Variants in ANKH observed in about 807,000 individuals in gnomAD.
ANKH encodes ANKH inorganic pyrophosphate transport regulator, also known as mineralization regulator ANKH.
A neutral mutation model predicts 49.0 loss-of-function variants in ANKH; 15 were observed. The ratio of observed to expected loss-of-function variants is 0.31; its 90% CI spans 0.20 to 0.47. The LOEUF is 0.47. ANKH is among the 20% of genes least tolerant of loss of function. The pLI, the probability that ANKH is intolerant of heterozygous loss-of-function variation, is 1.00. For missense variants in ANKH, 429 were observed against 652.0 expected, an observed-to-expected ratio of 0.66 and a Z score of 3.72; for synonymous variants, 273 against 260.0, an observed-to-expected ratio of 1.05 and a Z score of -0.48.
In ANKH at chr5:14,725,402, C is replaced by T. The variant is rs1193972558; in HGVS notation, c.1012-8567G>A. 6.6e-6 allele frequency among the ~76,000 whole-genome samples: 1 copy of T among 152,218 alleles called. No individual in the cohort carries two copies. The highest frequency in any genetic ancestry group is 1.5e-5 in the Non-Finnish European group (1 of 68,032). ...CCTTCCTTAAGAAAGTCTTGCCATC[C>T]AAACAACGCCAGCTGAACTGGACAT... is the stretch of plus-strand genomic sequence containing the variant. On this transcript the variant is annotated intron_variant, in intron 8 of 11. Transcript: ENST00000284268. This position sits in a 1 kb window ranked among gnomAD's most constrained non-coding sequence, Gnocchi z 4.0.
At chr5:14,811,098 C>T (rs937324891) in intron 1 of ANKH, among the ~76,000 whole-genome samples, 3 of 152,198 alleles carry the variant, frequency 2.0e-5, no homozygotes, top group African/African-American at 7.2e-5. Flanking sequence ...AGCCTCCTCA[C>T]TAAGTTAACC....
intron 8 of ANKH, among the ~76,000 whole-genome samples, chr5:14,718,400 A>T (rs936566902): frequency 2.6e-5 from 4 of 152,168 alleles, no homozygotes; most frequent in African/African-American, 9.7e-5. Flanking sequence ...TTAAGAGGAA[A>T]CAAAGATAAT....
In ANKH at chr5:14,710,497, C is replaced by T. The variant is rs765103863; in HGVS notation, c.*700G>A. ...ATCTAGGAGAACGCAGAGTGAAATGCTATCATTCAACCATGTCAGTTTGCT... is the reference window on the plus strand; with the variant it reads ...ATCTAGGAGAACGCAGAGTGAAATGTTATCATTCAACCATGTCAGTTTGCT... On this transcript the variant is annotated 3_prime_UTR_variant, in exon 12 of 12. Coordinates refer to ENST00000284268, the MANE Select transcript of ANKH (RefSeq NM_054027.6). The T allele has an allele frequency of 1.3e-5, 2 of 153,736 alleles. No homozygotes were observed. Among genetic ancestry groups the T allele is most frequent in the Non-Finnish European group, 2.9e-5 (2 of 69,170 alleles). The allele number at this position is 153,736 out of a possible 1,614,324, so 9.5% of individuals were successfully genotyped here. A position where few individuals can be genotyped will look rare whatever the true frequency, so the allele number is the denominator to read the frequency against.
intron 1 of ANKH, among the ~76,000 whole-genome samples, chr5:14,834,362 T>G (rs528719918): frequency 1.7e-4 from 26 of 152,322 alleles, no homozygotes; most frequent in Admixed American, 2.6e-4. Context: ...TTATGATTAC[T>G]ATTGCTAATT....
At chr5:14,808,977 A>G (rs2126570158) in intron 1 of ANKH, among the ~76,000 whole-genome samples, 1 of 96,612 alleles carries the variant, frequency 1.0e-5, no homozygotes, top group Non-Finnish European at 2.0e-5. Flanking sequence ...AATGTGGCAC[A>G]TATACACCAT....
intron 1 of ANKH, among the ~76,000 whole-genome samples, chr5:14,848,240 T>C (rs1224523398): frequency 2.0e-5 from 3 of 152,158 alleles, no homozygotes; most frequent in Non-Finnish European, 4.4e-5. Context: ...GTAACTCAGC[T>C]CACACCCAAC....
intron 1 of ANKH, among the ~76,000 whole-genome samples, chr5:14,807,934 T>C (rs1198240268): frequency 2.0e-5 from 3 of 152,256 alleles, no homozygotes; most frequent in Non-Finnish European, 4.4e-5. Flanking sequence ...TAAGTCTTTC[T>C]TTCTTCATTA....
intron 7 of ANKH, among the ~76,000 whole-genome samples, chr5:14,744,029 G>A (rs1738450348): frequency 6.6e-6 from 1 of 152,116 alleles, no homozygotes; most frequent in South Asian, 2.1e-4. Flanking sequence ...TTAATCAGGA[G>A]CTAGAACTGA....
intron 1 of ANKH, among the ~76,000 whole-genome samples, chr5:14,801,519 T>C (rs1377401139): frequency 1.3e-5 from 2 of 152,384 alleles, no homozygotes; most frequent in African/African-American, 4.8e-5. Context: ...TCTTTCTCTT[T>C]TTTAGCTATA....
intron 1 of ANKH, among the ~76,000 whole-genome samples, chr5:14,820,905 C>G (rs1332509746): frequency 2.0e-5 from 3 of 152,154 alleles, no homozygotes; most frequent in Non-Finnish European, 4.4e-5. Context: ...CGAGACCAGC[C>G]TGGGCGACAT....
chr5:14,826,493 T>C (rs2088662337), intron 1 of ANKH, among the ~76,000 whole-genome samples: 1 of 152,222 alleles, frequency 6.6e-6, no homozygotes, highest in South Asian at 2.1e-4. Flanking sequence ...CATTTCTTCA[T>C]CTATCAAATG....
intron 1 of ANKH, among the ~76,000 whole-genome samples, chr5:14,866,099 C>T (rs1210821151): frequency 1.3e-5 from 2 of 152,210 alleles, no homozygotes; most frequent in African/African-American, 4.8e-5. Flanking sequence ...CTCCGCCTCC[C>T]AGGTTCAAAA....
At position 14,725,736 on chromosome 5, in the gene ANKH, T is replaced by C. The variant is rs1737803292; in HGVS notation, c.1012-8901A>G. On this transcript the variant is annotated intron_variant, in intron 8 of 11. Transcript: ENST00000284268. The surrounding 1 kb of genome is among the most constrained non-coding windows in gnomAD (Gnocchi z 4.0). ...GCTTCCACAAAGAACATGTATTCTT[T>C]TTATCAGAAAAACATTTTTTTTTCT... is the stretch of plus-strand genomic sequence containing the variant. Among the ~76,000 whole-genome samples the C allele has an allele frequency of 6.6e-6, 1 of 152,232 alleles. No individual in the cohort carries two copies. The highest frequency in any genetic ancestry group is 2.4e-5 in the African/African-American group (1 of 41,450).
intron 1 of ANKH, among the ~76,000 whole-genome samples, chr5:14,833,854 T>G (rs1174832352): frequency 6.6e-6 from 1 of 152,200 alleles, no homozygotes; most frequent in Non-Finnish European, 1.5e-5. Context: ...GTTGGGGCCC[T>G]GCAGTCCTCC....
intron 8 of ANKH, 200 bp from the exon 9 acceptor site, chr5:14,717,035 G>C: frequency 6.4e-6 from 4 of 620,940 alleles, no homozygotes; most frequent in Non-Finnish European, 8.5e-6. Context: ...CATTAGCCAT[G>C]TCTGTACCCA....
rs780455327 is a variant in ANKH, at chr5:14,711,226, T to C, written c.1450A>G (p.Ile484Val). The C allele has an allele frequency of 1.2e-5, 20 of 1,614,030 alleles. No individual in the cohort carries two copies. The South Asian group carries it at 2.0e-4, about 16-fold the overall frequency. ...DMPPTEEVTD[I>V]VEMREENE is the part of the protein sequence containing the mutation. ...TCATTCTCCTCTCTCATTTCCACGA[T>C]GTCTGTCACCTCCTCTGTCGGAGGC... The change falls in exon 12 of 12, where the codon ATC (isoleucine) becomes GTC (valine). Residue 484 changes from isoleucine to valine, a missense_variant. Coordinates refer to ENST00000284268, the MANE Select transcript of ANKH (RefSeq NM_054027.6).
chr5:14,830,539 C>G (rs200520491), intron 1 of ANKH, among the ~76,000 whole-genome samples: 16 of 109,944 alleles, frequency 1.5e-4, no homozygotes, highest in South Asian at 9.6e-4. Context: ...GTGTGTGTGT[C>G]TGTGTGTGTG....
rs140655408 is a variant in ANKH, at chr5:14,863,208, A to T, written c.96+8144T>A. Among the ~76,000 whole-genome samples, 585 of 152,312 alleles carry T rather than the reference A, an allele frequency of 3.8e-3. 6 individuals are homozygous for T. Among genetic ancestry groups the T allele is most frequent in the African/African-American group, 0.014 (571 of 41,562 alleles). On this transcript the variant is annotated intron_variant, in intron 1 of 11. Transcript: ENST00000284268. ...GTATTAAAATGATAAAAGCAGGCAC[A>T]TAGCCTATAAAAAAATTTTTTTTAA... is the stretch of plus-strand genomic sequence containing the variant.
At chr5:14,764,098 A>AT (rs758426129) in intron 2 of ANKH, among the ~76,000 whole-genome samples, 35 of 152,276 alleles carry the variant, frequency 2.3e-4, no homozygotes, top group Non-Finnish European at 3.8e-4. Flanking sequence ...ATAAATAAAA[A>AT]TAAAAAAAGT....
Sources: gnomAD v4.1 joint callset for allele counts (sites outside exome capture counted in the v4.1 genomes callset) on GRCh38, gnomAD v4.1.1 for gene constraint, Gnocchi (gnomAD v3.1) non-coding constraint, MANE v1.5 for transcripts, NCBI Gene and HGNC (gene_info 2026-07-23, HGNC 2026-07-21) for gene names.